The following SLC20A2 variants were observed in gnomAD, a reference collection of about 807,000 sequenced individuals.
SLC20A2 encodes the protein solute carrier family 20 member 2, also known as sodium-dependent phosphate transporter 2.
Under a neutral mutation model 61.0 loss-of-function variants are expected in SLC20A2, and 30 were observed. The observed-to-expected ratio is 0.49, with a 90% CI of 0.37 to 0.67. The LOEUF (loss-of-function observed/expected upper bound fraction) is 0.67. Ranked by LOEUF, SLC20A2 falls within the 30% of genes least tolerant of loss-of-function variation. SLC20A2 has a pLI of 0.00. For missense variants in SLC20A2, 626 were observed against 866.4 expected (o/e 0.72, Z 3.48); for synonymous variants, 351 against 353.3 (o/e 0.99, Z 0.07).
At position 42,437,594 on chromosome 8, in the gene SLC20A2, A is replaced by C. The variant is rs1222817533; in HGVS notation, c.935-17T>G. 1 of 1,543,124 alleles carries C rather than the reference A, an allele frequency of 6.5e-7. No homozygotes were observed. On this transcript the variant is annotated splice_polypyrimidine_tract_variant and intron_variant, in intron 7 of 10. Transcript: ENST00000520262. This position sits in a 1 kb window ranked among gnomAD's most constrained non-coding sequence, Gnocchi z 6.4. The stretch of plus-strand genomic sequence containing the variant: ...GTGCTCTTCCTGAAAAGGGTTAGAG[A>C]AGGTCTCATTTTCCAGTCTTTTTTT...
chr8:42,504,964 C>T (rs1485037934), upstream of SLC20A2, among the ~76,000 whole-genome samples: 1 of 145,808 alleles, frequency 6.9e-6, no homozygotes, highest in African/African-American at 2.5e-5. Context: ...CCAGGGAGTT[C>T]ACATTTTAGT....
At chr8:42,454,992 G>A (rs879831444) in intron 5 of SLC20A2, among the ~76,000 whole-genome samples, 8 of 151,756 alleles carry the variant, frequency 5.3e-5, no homozygotes, top group Non-Finnish European at 7.4e-5. Context: ...TTGGGAGGCC[G>A]AGGTGGGCGG....
Position 42,430,173 on chromosome 8 carries a change from C to T in SLC20A2, c.1600G>A (p.Val534Ile), listed in dbSNP as rs755604221. The change falls in exon 9 of 11, where the codon GTC becomes ATC. Residue 534 changes from valine to isoleucine, a missense_variant. Val to Ile is a conservative substitution (Grantham distance 29). Transcript: ENST00000520262. ...GGVTQEAATPVWLLFYGGVGI... is the reference protein window; with the variant it reads ...GGVTQEAATPIWLLFYGGVGI... ...ACTCCTCCATAAAACAGCAGCCAGA[C>T]GGGTGTAGCTGCTTCTTGCGTTACC... 1.3e-4 allele frequency: 210 copies of T among 1,613,946 alleles called. 1 individual carries two copies. The highest frequency in any genetic ancestry group is 4.7e-4 in the South Asian group (43 of 91,066).
At chr8:42,493,284 ACATCCTGGCAGCGTCTGG>A (rs1238907306) in intron 1 of SLC20A2, among the ~76,000 whole-genome samples, 2 of 152,230 alleles carry the variant, frequency 1.3e-5, no homozygotes, top group East Asian at 3.9e-4. Flanking sequence ...GGCCATGAGG[ACATCCTGGCAGCGTCTGG>A]CAGAAATGAC....
rs1278141293 is a variant in SLC20A2 at position 42,528,090 on chromosome 8, C to T, written c.-265+13731G>A. On this transcript the variant is annotated intron_variant, in intron 1 of 10. Transcript: ENST00000342228. ...ACACTGAACCTCATTACTTCTACAA[C>T]CAGGAACAAAGATATGTTATTTTGG... is the stretch of plus-strand genomic sequence containing the variant. Among the ~76,000 whole-genome samples, 5 of 152,044 alleles carry T rather than the reference C, an allele frequency of 3.3e-5. No individual in the cohort carries two copies. In the East Asian group the frequency reaches 7.7e-4, roughly 23 times the overall value.
chr8:42,533,651 G>GTTTTTTTTTTTTTTTTTTTTT, intron 1 of SLC20A2, among the ~76,000 whole-genome samples: 1 of 89,734 alleles, frequency 1.1e-5, no homozygotes, highest in Non-Finnish European at 2.1e-5. Context: ...ATGATCAACT[G>GTTTTTTTTTTTTTTTTTTTTT]TTCTTTTTTT....
At chr8:42,449,997 A>G (rs1392526670) in intron 5 of SLC20A2, among the ~76,000 whole-genome samples, 1 of 152,218 alleles carries the variant, frequency 6.6e-6, no homozygotes, top group Non-Finnish European at 1.5e-5. Context: ...GCACACACAC[A>G]GAGATTACCT....
chr8:42,533,066 C>T lies in SLC20A2; in HGVS notation c.-265+8755G>A, dbSNP rs183077345. ...AGGAAGCTAAAAGAATGATGCAGAA[C>T]AGGCCTATCAGGGAAAGAAACACTA... is the stretch of plus-strand genomic sequence containing the variant. On this transcript the variant is annotated intron_variant, in intron 1 of 10. Coordinates refer to the SLC20A2 transcript ENST00000342228. Among the ~76,000 whole-genome samples the T allele has an allele frequency of 3.0e-3, 454 of 152,294 alleles. 3 individuals carry two copies. Among genetic ancestry groups the T allele is most frequent in the Non-Finnish European group, 5.1e-3 (348 of 68,030 alleles).
chr8:42,433,063 T>C (rs552689319), intron 8 of SLC20A2, among the ~76,000 whole-genome samples: 1 of 152,342 alleles, frequency 6.6e-6, no homozygotes, highest in South Asian at 2.1e-4. Flanking sequence ...ATGGTCCAAA[T>C]GATTTTTTTT....
chr8:42,522,190 C>T lies in SLC20A2; in HGVS notation c.-265+19631G>A, dbSNP rs888016486. On this transcript the variant is annotated intron_variant, in intron 1 of 10. Coordinates refer to the SLC20A2 transcript ENST00000342228. The stretch of plus-strand genomic sequence containing the variant: ...AATAATAGTGAGCAAGCAGTTATCA[C>T]GTCCCAGGTACTAGAGCCTATCTCA... Among the ~76,000 whole-genome samples the T allele has an allele frequency of 9.9e-5, 12 of 120,806 alleles. 3 individuals carry two copies. The highest frequency in any genetic ancestry group is 1.8e-4 in the Non-Finnish European group (9 of 50,342). The allele number at this position is 120,806 out of a possible 152,430, so 79.3% of individuals were successfully genotyped here.
intron 1 of SLC20A2, among the ~76,000 whole-genome samples, chr8:42,533,721 G>A (rs373749454): frequency 7.5e-6 from 1 of 132,604 alleles, no homozygotes; most frequent in Admixed American, 8.6e-5. Context: ...GTGCAGTGGC[G>A]TGATCTCAGC....
chr8:42,441,771 T>C (rs1021486027), intron 6 of SLC20A2, among the ~76,000 whole-genome samples: 6 of 151,952 alleles, frequency 3.9e-5, no homozygotes, highest in Admixed American at 1.3e-4. Context: ...CTGGCCTATT[T>C]TGCTCATTTT....
At chr8:42,444,013 C>T (rs765120924) in intron 6 of SLC20A2, among the ~76,000 whole-genome samples, 13 of 152,188 alleles carry the variant, frequency 8.5e-5, no homozygotes, top group Non-Finnish European at 1.8e-4. Context: ...CATGAATTTA[C>T]TCAATTTGGT....
chr8:42,465,352 T>C (rs1048041480), intron 3 of SLC20A2, among the ~76,000 whole-genome samples: 1 of 151,854 alleles, frequency 6.6e-6, no homozygotes, highest in African/African-American at 2.4e-5. Flanking sequence ...CCACCATGTC[T>C]GGCCCATCTA....
chr8:42,489,038 C>G (rs1314194544), intron 1 of SLC20A2, among the ~76,000 whole-genome samples: 1 of 140,844 alleles, frequency 7.1e-6, no homozygotes, highest in Non-Finnish European at 1.5e-5. Flanking sequence ...CTCCTAGGTT[C>G]AAGCGATTCT....
At chr8:42,492,350 T>C (rs921952221) in intron 1 of SLC20A2, among the ~76,000 whole-genome samples, 1 of 152,082 alleles carries the variant, frequency 6.6e-6, no homozygotes, top group Non-Finnish European at 1.5e-5. Flanking sequence ...AACAAGACTC[T>C]GTCTCAAAAA....
upstream of SLC20A2, chr8:42,502,176 A>G (rs537091855): frequency 1.1e-4 from 17 of 149,878 alleles, no homozygotes; most frequent in South Asian, 3.6e-3. Context: ...TTTTTTTCCC[A>G]CAGACAGGTA....
intron 1 of SLC20A2, among the ~76,000 whole-genome samples, chr8:42,540,336 C>T (rs951481424): frequency 1.3e-5 from 2 of 152,138 alleles, no homozygotes; most frequent in African/African-American, 4.8e-5. Context: ...CACATTTGGA[C>T]ACACTGAAAT....
chr8:42,439,389 G>T, intron 7 of SLC20A2, 61 bp downstream of exon 7: 1 of 1,534,300 alleles, frequency 6.5e-7, no homozygotes, highest in Non-Finnish European at 8.9e-7. Flanking sequence ...GGCCCAGCTG[G>T]TCCTCCCCAG....
Sources: allele counts gnomAD v4.1 joint callset (sites outside exome capture counted in the v4.1 genomes callset), GRCh38; gene constraint gnomAD v4.1.1; non-coding constraint Gnocchi (gnomAD v3.1); transcripts MANE v1.5; gene names NCBI Gene and HGNC (gene_info 2026-07-23, HGNC 2026-07-21).